The following SLC7A10 variants were observed in gnomAD, a reference collection of about 807,000 sequenced individuals.
SLC7A10 encodes the protein asc-type amino acid transporter 1.
In SLC7A10, 30 loss-of-function variants were observed where a neutral mutation model predicts 52.7. The observed-to-expected ratio is 0.57, with a 90% confidence interval of 0.43 to 0.77. The LOEUF (loss-of-function observed/expected upper bound fraction) is 0.77. Ranked by LOEUF, SLC7A10 falls within the 30% of genes least tolerant of loss-of-function variation. The pLI, the probability that SLC7A10 is intolerant of heterozygous loss-of-function variation, is 0.00. For missense variants in SLC7A10, 581 were observed against 698.5 expected (o/e 0.83, Z 1.90); for synonymous variants, 318 against 314.9 (o/e 1.01, Z -0.10).
chr19:33,225,646 G>A lies in SLC7A10; in HGVS notation c.58C>T (p.Pro20Ser). The stretch of plus-strand genomic sequence containing the variant: ...GGGACGGTCCCTGGGACTGGGGAGG[G>A]CGAGGGCGCAGGCCTGGGGTTCCCG... ...GRGNPRPAPS[P>S]SPVPGTVPGA... The change falls in exon 1 of 11, where the codon CCC becomes TCC. Residue 20 changes from proline to serine, a missense_variant. Physicochemically the swap from Pro to Ser is moderately conservative, Grantham distance 74. Coordinates refer to ENST00000253188, the MANE Select transcript of SLC7A10 (RefSeq NM_019849.3). 6.3e-7 allele frequency: 1 copy of A among 1,584,390 alleles called. No individual in the cohort carries two copies.
At chr19:33,209,574 C>T in intron 9 of SLC7A10, 89 bp from the exon 10 acceptor site, 1 of 1,426,446 alleles carries the variant, frequency 7.0e-7, no homozygotes, top group African/African-American at 1.4e-5. Flanking sequence ...ATTTTCCTCC[C>T]TTCCCTGGGA....
chr19:33,225,619 C>T lies in SLC7A10; in HGVS notation c.85G>A (p.Gly29Ser), dbSNP rs752226890. 1.3e-6 allele frequency: 2 copies of T among 1,592,378 alleles called. No individual in the cohort carries two copies. Among genetic ancestry groups the T allele is most frequent in the Non-Finnish European group, 1.7e-6 (2 of 1,177,924 alleles). The change falls in exon 1 of 11, where the codon GGC becomes AGC. Residue 29 changes from glycine to serine, a missense_variant. Gly to Ser is a moderately conservative substitution (Grantham distance 56). Coordinates refer to ENST00000253188, the MANE Select transcript of SLC7A10 (RefSeq NM_019849.3). ...TTGAGCGCCACCCGCTCCGAGGCGC[C>T]GGGGACGGTCCCTGGGACTGGGGAG... is the stretch of plus-strand genomic sequence containing the variant. ...SPSPVPGTVPGASERVALKKE... is the reference protein window; with the variant it reads ...SPSPVPGTVPSASERVALKKE...
rs575710322 is a variant in SLC7A10 at position 33,211,687 on chromosome 19, C to A, written c.789-150G>T. ...GGGGGCAGCATTGCTGCCCGAGACA[C>A]AGGGACCCTGTTGTCTGCCCTGCCC... On this transcript the variant is annotated intron_variant, in intron 5 of 10. Transcript: ENST00000253188. 5 of 1,462,256 alleles carry A rather than the reference C, an allele frequency of 3.4e-6. No homozygotes were observed. In the South Asian group the frequency reaches 4.9e-5, roughly 14 times the overall value. The allele number at this position is 1,462,256 out of a possible 1,614,324, so 90.6% of individuals were successfully genotyped here. A position where few individuals can be genotyped will look rare whatever the true frequency, so the allele number is the denominator to read the frequency against.
At position 33,210,575 on chromosome 19, in the gene SLC7A10, G is replaced by A. The variant is rs773384986; in HGVS notation, c.1155C>T (p.Tyr385=). 17 of 1,612,034 alleles carry A rather than the reference G, an allele frequency of 1.1e-5. No individual in the cohort carries two copies. In the East Asian group the frequency reaches 3.8e-4, roughly 36 times the overall value. The change falls in exon 9 of 11, where the codon TAC becomes TAT. Residue 385 remains tyrosine (Y), a synonymous_variant. Transcript: ENST00000253188. This position sits in a 1 kb window ranked among gnomAD's most constrained non-coding sequence, Gnocchi z 5.6. ...TAVIMLVGDT[Y]TLINYVSFIN... Reference sequence around the variant, plus strand: ...TGAAGGACACATAGTTGATGAGCGTGTACGTGTCGCCCACGAGCATGATGA... The same window carrying A: ...TGAAGGACACATAGTTGATGAGCGTATACGTGTCGCCCACGAGCATGATGA...
At chr19:33,215,744 CT>C (rs1974664129) in intron 2 of SLC7A10, 24 bp downstream of exon 2, 1 of 1,548,550 alleles carries the variant, frequency 6.5e-7, no homozygotes, top group Non-Finnish European at 8.7e-7. Context: ...GGGTGTCCCC[CT>C]GCCCGCTGGT....
In SLC7A10 at chr19:33,210,655, T is replaced by A; in HGVS notation, c.1114-39A>T. The stretch of plus-strand genomic sequence containing the variant: ...TGGGGCTGACGGCTGGCCCCTAGCC[T>A]GCCTCCTGACGCCCCTGCAGGATGA... On this transcript the variant is annotated intron_variant, in intron 8 of 10. Transcript: ENST00000253188. The surrounding 1 kb of genome is among the most constrained non-coding windows in gnomAD (Gnocchi z 5.6). 1 of 1,610,132 alleles carries A rather than the reference T, an allele frequency of 6.2e-7. No homozygotes were observed. Among genetic ancestry groups the A allele is most frequent in the South Asian group, 1.1e-5 (1 of 91,064 alleles).
In SLC7A10 at chr19:33,210,469, T is replaced by C. The variant is rs763121479; in HGVS notation, c.1261A>G (p.Lys421Glu). The C allele has an allele frequency of 2.5e-6, 4 of 1,591,256 alleles. No homozygotes were observed. The highest frequency in any genetic ancestry group is 1.1e-5 in the South Asian group (1 of 89,320). ...GGCCAGCTGTCCCAGGGCCTCACCT[T>C]GATGGGCCTGTGGAGTGCAGGCCGC... ...WRRPALHRPIKVNLLIPVAYL... is the reference protein window; with the variant it reads ...WRRPALHRPIEVNLLIPVAYL... The change falls in exon 9 of 11, where the codon AAG becomes GAG. Residue 421 changes from lysine (K) to glutamate (E), a missense_variant and splice_region_variant. Coordinates refer to ENST00000253188, the MANE Select transcript of SLC7A10 (RefSeq NM_019849.3). The surrounding 1 kb of genome is among the most constrained non-coding windows in gnomAD (Gnocchi z 5.6).
intron 1 of SLC7A10, 142 bp downstream of exon 1, chr19:33,225,411 G>T (rs1974900402): frequency 1.9e-6 from 2 of 1,067,298 alleles, no homozygotes; most frequent in Non-Finnish European, 2.7e-6. Flanking sequence ...CCTCCCCGCG[G>T]TCATAGCGCT....
Position 33,225,645 on chromosome 19 carries a change from G to A in SLC7A10, c.59C>T (p.Pro20Leu), listed in dbSNP as rs1286755846. Reference protein sequence around the residue: ...GRGNPRPAPSPSPVPGTVPGA... With the variant: ...GRGNPRPAPSLSPVPGTVPGA... ...GGGGACGGTCCCTGGGACTGGGGAG[G>A]GCGAGGGCGCAGGCCTGGGGTTCCC... Residue 20 changes from proline (P) to leucine (L), a missense_variant, in exon 1 of 11, where the codon CCC (proline) becomes CTC (leucine). Physicochemically the swap from Pro to Leu is moderately conservative, Grantham distance 98. Transcript: ENST00000253188. The A allele has an allele frequency of 1.9e-6, 3 of 1,584,970 alleles. No homozygotes were observed. Among genetic ancestry groups the A allele is most frequent in the East Asian group, 4.5e-5 (2 of 44,148 alleles).
intron 4 of SLC7A10, 24 bp from the exon 5 acceptor site, chr19:33,212,469 C>G (rs1568389580): frequency 1.2e-6 from 2 of 1,613,788 alleles, no homozygotes; most frequent in African/African-American, 2.7e-5. Context: ...AGTCGGGGGT[C>G]AGCACCATCT....
chr19:33,209,694 T>G (rs924399710), intron 9 of SLC7A10, among the ~76,000 whole-genome samples: 9 of 152,334 alleles, frequency 5.9e-5, no homozygotes, highest in Middle Eastern at 3.4e-3. Flanking sequence ...CTGAGGATTT[T>G]TCAAAGTCTC....
Position 33,225,680 on chromosome 19 carries a change from C to G in SLC7A10, c.24G>C (p.Pro8=). The part of the protein sequence containing the change: MAGHTQQ[P]SGRGNPRPAP... The stretch of plus-strand genomic sequence containing the variant: ...CAGGCCTGGGGTTCCCGCGCCCGCT[C>G]GGCTGCTGCGTGTGGCCGGCCATGT... Residue 8 remains proline, a synonymous_variant, in exon 1 of 11, where the codon CCG becomes CCC. Coordinates refer to ENST00000253188, the MANE Select transcript of SLC7A10 (RefSeq NM_019849.3). 1 of 1,549,856 alleles carries G rather than the reference C, an allele frequency of 6.5e-7. No individual in the cohort carries two copies. Among genetic ancestry groups the G allele is most frequent in the Non-Finnish European group, 8.6e-7 (1 of 1,158,128 alleles).
At chr19:33,216,914 A>C (rs1381035539) in intron 1 of SLC7A10, among the ~76,000 whole-genome samples, 1 of 151,592 alleles carries the variant, frequency 6.6e-6, no homozygotes, top group East Asian at 2.0e-4. Context: ...TCGCTCTGCC[A>C]CCCTGGCTGG....
rs147546647 is a variant in SLC7A10, at chr19:33,210,584, G to A, written c.1146C>T (p.Gly382=). Residue 382 remains glycine, a synonymous_variant, in exon 9 of 11, where the codon GGC becomes GGT. Transcript: ENST00000253188. This position sits in a 1 kb window ranked among gnomAD's most constrained non-coding sequence, Gnocchi z 5.6. ...CATAGTTGATGAGCGTGTACGTGTC[G>A]CCCACGAGCATGATGACGGCTGTGG... ...CGATAVIMLV[G]DTYTLINYVS... is the part of the protein sequence containing the mutation. The A allele has an allele frequency of 1.9e-5, 30 of 1,611,974 alleles. No homozygotes were observed. In the African/African-American group the frequency reaches 2.0e-4, roughly 11 times the overall value.
At chr19:33,223,451 A>C (rs1974856517) in intron 1 of SLC7A10, among the ~76,000 whole-genome samples, 1 of 149,472 alleles carries the variant, frequency 6.7e-6, no homozygotes, top group Non-Finnish European at 1.5e-5. Context: ...TGGTGGAGAG[A>C]GAGTGAGCCC....
At chr19:33,225,276 G>A (rs1453593842) in intron 1 of SLC7A10, among the ~76,000 whole-genome samples, 4 of 152,254 alleles carry the variant, frequency 2.6e-5, no homozygotes, top group Non-Finnish European at 5.9e-5. Flanking sequence ...CCTTGCAAAA[G>A]CCCCGCAGCA....
At chr19:33,212,787 C>T (rs1974584964) in intron 3 of SLC7A10, 64 bp downstream of exon 3, 2 of 1,607,364 alleles carry the variant, frequency 1.2e-6, no homozygotes, top group African/African-American at 1.3e-5. Context: ...TCCTCCTGCT[C>T]AGGGCAGGAT....
At position 33,215,795 on chromosome 19, in the gene SLC7A10, G is replaced by C. The variant is rs1292025276; in HGVS notation, c.330C>G (p.Val110=). 1.9e-6 allele frequency: 3 copies of C among 1,565,240 alleles called. No homozygotes were observed. The African/African-American group carries it at 4.1e-5, about 21-fold the overall frequency. Residue 110 remains valine (V), a synonymous_variant, in exon 2 of 11, where the codon GTC becomes GTG. Coordinates refer to ENST00000253188, the MANE Select transcript of SLC7A10 (RefSeq NM_019849.3). ...CAGCCAGGCCCCCGAAGATCTCTGT[G>C]ACGTAGGCGTAGTCCCCGCCAGACT... The part of the protein sequence containing the change: ...IPKSGGDYAY[V]TEIFGGLAGF...
In SLC7A10 at chr19:33,210,112, T is replaced by C. The variant is rs916079841; in HGVS notation, c.1263+355A>G. On this transcript the variant is annotated intron_variant, in intron 9 of 10. Transcript: ENST00000253188. The surrounding 1 kb of genome is among the most constrained non-coding windows in gnomAD (Gnocchi z 5.6). ...CGCACCACCACACCAGGCTAACCCTTTTATTTTTAACTTTTTGCAGAGAGG... is the reference window on the plus strand; with the variant it reads ...CGCACCACCACACCAGGCTAACCCTCTTATTTTTAACTTTTTGCAGAGAGG... 1.3e-5 allele frequency among the ~76,000 whole-genome samples: 2 copies of C among 151,926 alleles called. No homozygotes were observed. Among genetic ancestry groups the C allele is most frequent in the Non-Finnish European group, 2.9e-5 (2 of 67,986 alleles).
Sources: allele counts gnomAD v4.1 joint callset (sites outside exome capture counted in the v4.1 genomes callset), GRCh38; gene constraint gnomAD v4.1.1; non-coding constraint Gnocchi (gnomAD v3.1); transcripts MANE v1.5; gene names NCBI Gene and HGNC (gene_info 2026-07-23, HGNC 2026-07-21).